MSI1: variants seen among roughly 807,000 people sequenced by gnomAD.
MSI1 encodes the protein musashi RNA binding protein 1.
In MSI1, 15 loss-of-function variants were observed where a neutral mutation model predicts 54.4. The ratio of observed to expected loss-of-function variants is 0.28; its 90% confidence interval spans 0.18 to 0.42. The LOEUF (loss-of-function observed/expected upper bound fraction) is 0.42. Ranked by LOEUF, MSI1 falls within the 20% of genes least tolerant of loss-of-function variation. The pLI is 1.00. For synonymous variants in MSI1, 200 were observed against 196.5 expected (o/e 1.02, Z -0.15); for missense variants, 304 against 506.0 (o/e 0.60, Z 3.83).
Position 120,368,774 on chromosome 12 carries a change from G to C in MSI1, c.100+59C>G. The C allele has an allele frequency of 7.4e-7, 1 of 1,350,094 alleles. No homozygotes were observed. The highest frequency in any genetic ancestry group is 9.7e-7 in the Non-Finnish European group (1 of 1,033,620). The allele number at this position is 1,350,094 out of a possible 1,614,324, so 83.6% of individuals were successfully genotyped here. Reference sequence around the variant, plus strand: ...GGCCGGGCTGGGGTGTCCGGGTCCGGGGCGCCGGGGGGTCCGGGGTGCCCT... The same window carrying C: ...GGCCGGGCTGGGGTGTCCGGGTCCGCGGCGCCGGGGGGTCCGGGGTGCCCT... On this transcript the variant is annotated intron_variant, in intron 2 of 14. Coordinates refer to ENST00000257552, the MANE Select transcript of MSI1 (RefSeq NM_002442.4). This position sits in a 1 kb window ranked among gnomAD's most constrained non-coding sequence, Gnocchi z 6.6.
intron 6 of MSI1, among the ~76,000 whole-genome samples, chr12:120,359,373 C>G (rs888901283): frequency 1.3e-5 from 2 of 152,134 alleles, no homozygotes; most frequent in Non-Finnish European, 2.9e-5. Flanking sequence ...ACAGCAAGAC[C>G]TTGACCAAAC....
chr12:120,353,531 C>T, intron 9 of MSI1, 152 bp from the exon 10 acceptor site: 1 of 709,410 alleles, frequency 1.4e-6, no homozygotes, highest in Non-Finnish European at 2.5e-6. Context: ...AAGCCCTGTG[C>T]CAAGCACACT....
rs1874112606 is a variant in MSI1, at chr12:120,346,264, G to A, written c.918C>T (p.Gly306=). ...PPGSTPSRTG[G]FLGTTSPGPM... ...GGCCGGGGCTGGTGGTCCCCAGGAA[G>A]CCCCCTGTGCGGCTGGGAGTCGAAC... The change falls in exon 13 of 15, where the codon GGC becomes GGT. Residue 306 remains glycine, a synonymous_variant. Coordinates refer to ENST00000257552, the MANE Select transcript of MSI1 (RefSeq NM_002442.4). 3 of 1,591,776 alleles carry A rather than the reference G, an allele frequency of 1.9e-6. No individual in the cohort carries two copies. Among genetic ancestry groups the A allele is most frequent in the Admixed American group, 3.5e-5 (2 of 56,852 alleles).
chr12:120,348,861 C>G (rs1874365504), intron 11 of MSI1, among the ~76,000 whole-genome samples: 1 of 151,956 alleles, frequency 6.6e-6, no homozygotes, highest in South Asian at 2.1e-4. Context: ...CCATTGCACT[C>G]CAGCCTGGGC....
At position 120,347,427 on chromosome 12, in the gene MSI1, G is replaced by C. The variant is rs775543135; in HGVS notation, c.859+19C>G. On this transcript the variant is annotated intron_variant, in intron 12 of 14. Transcript: ENST00000257552. ...CCTGTGCTCCCTCATCTCTCTTCCT[G>C]CACCTCAGAAGAGCTCACCTGTCCC... 3.7e-6 allele frequency: 6 copies of C among 1,613,566 alleles called. No individual in the cohort carries two copies. The highest frequency in any genetic ancestry group is 2.2e-5 in the East Asian group (1 of 44,892).
intron 7 of MSI1, 60 bp downstream of exon 7, chr12:120,358,945 C>T: frequency 6.5e-7 from 1 of 1,541,270 alleles, no homozygotes; most frequent in Non-Finnish European, 8.8e-7. Context: ...CAGCTGTGAC[C>T]TGCAGCCCCC....
chr12:120,368,179 G>C lies in MSI1; in HGVS notation c.182+13C>G. ...GGCGAGCCGGGAGCAGGAGGAGGGG[G>C]TGAGGGGCTCACCTGGATCTCTTGG... On this transcript the variant is annotated intron_variant, in intron 3 of 14. Coordinates refer to ENST00000257552, the MANE Select transcript of MSI1 (RefSeq NM_002442.4). This position sits in a 1 kb window ranked among gnomAD's most constrained non-coding sequence, Gnocchi z 6.6. 1.9e-6 allele frequency: 3 copies of C among 1,580,602 alleles called. No individual in the cohort carries two copies. The highest frequency in any genetic ancestry group is 2.6e-6 in the Non-Finnish European group (3 of 1,162,438).
At position 120,368,698 on chromosome 12, in the gene MSI1, G is replaced by A. The variant is rs1246722960; in HGVS notation, c.100+135C>T. The A allele has an allele frequency of 5.1e-6, 4 of 789,896 alleles. No homozygotes were observed. Among genetic ancestry groups the A allele is most frequent in the African/African-American group, 1.8e-5 (1 of 54,192 alleles). 48.9% of individuals were successfully genotyped at this position (789,896 alleles called of 1,614,324 possible). On this transcript the variant is annotated intron_variant, in intron 2 of 14. Coordinates refer to ENST00000257552, the MANE Select transcript of MSI1 (RefSeq NM_002442.4). This position sits in a 1 kb window ranked among gnomAD's most constrained non-coding sequence, Gnocchi z 6.6. ...ATCGCCCTGCGCTCTCGGGGTCTCCGGGCGGGGCGCGAAAGAGGGCGCGAG... is the reference window on the plus strand; with the variant it reads ...ATCGCCCTGCGCTCTCGGGGTCTCCAGGCGGGGCGCGAAAGAGGGCGCGAG...
chr12:120,356,882 A>G lies in MSI1; in HGVS notation c.652+20T>C. On this transcript the variant is annotated intron_variant, in intron 9 of 14. Transcript: ENST00000257552. The stretch of plus-strand genomic sequence containing the variant: ...AGCAGTTCTGGCAGAAAGAAGCCGC[A>G]GGCGCAGGCTCGCGCATACCCAGCA... The G allele has an allele frequency of 6.2e-7, 1 of 1,608,124 alleles. No individual in the cohort carries two copies. The highest frequency in any genetic ancestry group is 1.7e-4 in the Middle Eastern group (1 of 6,056).
At chr12:120,361,358 A>C (rs979929241) in intron 6 of MSI1, 1 of 152,328 alleles carries the variant, frequency 6.6e-6, no homozygotes, top group African/African-American at 2.4e-5. Flanking sequence ...CCCTGCAAGG[A>C]AGGCCACCAT....
intron 6 of MSI1, among the ~76,000 whole-genome samples, chr12:120,362,164 C>A (rs892579762): frequency 1.3e-5 from 2 of 152,012 alleles, no homozygotes; most frequent in Non-Finnish European, 2.9e-5. Flanking sequence ...CACCTCCCCC[C>A]CCCACACAAT....
At chr12:120,348,467 T>G (rs985095739) in intron 11 of MSI1, among the ~76,000 whole-genome samples, 1 of 152,104 alleles carries the variant, frequency 6.6e-6, no homozygotes, top group African/African-American at 2.4e-5. Flanking sequence ...ATACCCCCAC[T>G]CAGGCGGCCC....
chr12:120,365,986 T>G (rs1335141974), intron 4 of MSI1, among the ~76,000 whole-genome samples: 1 of 152,200 alleles, frequency 6.6e-6, no homozygotes, highest in East Asian at 1.9e-4. Context: ...AGGCCACCTT[T>G]GCCCTTGGCT....
At chr12:120,358,332 C>T (rs927735798) in intron 7 of MSI1, among the ~76,000 whole-genome samples, 4 of 152,232 alleles carry the variant, frequency 2.6e-5, no homozygotes, top group Admixed American at 6.5e-5. Context: ...CTGCGTATCA[C>T]GCAGACACAT....
chr12:120,344,947 C>T (rs1432236862), intron 14 of MSI1, among the ~76,000 whole-genome samples: 3 of 148,008 alleles, frequency 2.0e-5, no homozygotes, highest in Admixed American at 6.7e-5. Context: ...ACCCAGGGGA[C>T]GAGTTTGCAG....
chr12:120,364,665 C>G (rs758624823), intron 5 of MSI1, 49 bp downstream of exon 5: 2 of 1,519,686 alleles, frequency 1.3e-6, no homozygotes, highest in Non-Finnish European at 1.8e-6. Flanking sequence ...AATCACTGCC[C>G]AGCATTGCCC....
At chr12:120,347,277 C>T (rs1052527960) in intron 12 of MSI1, among the ~76,000 whole-genome samples, 169 bp downstream of exon 12, 2 of 152,216 alleles carry the variant, frequency 1.3e-5, no homozygotes, top group Non-Finnish European at 2.9e-5. Flanking sequence ...TGAGGGCTGG[C>T]TCGCCCATGC....
chr12:120,359,188 GACA>G, intron 6 of MSI1, 135 bp from the exon 7 acceptor site: 1 of 1,030,754 alleles, frequency 9.7e-7, no homozygotes, highest in Non-Finnish European at 1.4e-6. Context: ...CTGCACAGGG[GACA>G]ACTTTCCTTC....
At chr12:120,363,638 C>A (rs775866204) in intron 5 of MSI1, among the ~76,000 whole-genome samples, 2 of 152,190 alleles carry the variant, frequency 1.3e-5, no homozygotes, top group African/African-American at 4.8e-5. Flanking sequence ...GGCTAATCCG[C>A]GGCAATTCCC....
Sources: gnomAD v4.1 joint callset for allele counts (sites outside exome capture counted in the v4.1 genomes callset) on GRCh38, gnomAD v4.1.1 for gene constraint, Gnocchi (gnomAD v3.1) non-coding constraint, MANE v1.5 for transcripts, NCBI Gene and HGNC (gene_info 2026-07-23, HGNC 2026-07-21) for gene names.